The following ETFDH variants were observed in gnomAD, a reference collection of about 807,000 sequenced individuals.
ETFDH encodes electron transfer flavoprotein dehydrogenase, also known as electron transfer flavoprotein-ubiquinone oxidoreductase, mitochondrial.
ETFDH carries 61 observed loss-of-function variants against 73.2 expected under a neutral mutation model. That is an observed-to-expected ratio of 0.83 (90% CI 0.68 to 1.03). The LOEUF (loss-of-function observed/expected upper bound fraction) is 1.03, where lower values mean the gene tolerates loss of function less well. Ranked by LOEUF, ETFDH falls within the 50% of genes least tolerant of loss-of-function variation. The pLI, the probability that ETFDH is intolerant of heterozygous loss-of-function variation, is 0.00. For missense variants in ETFDH, 685 were observed against 745.0 expected, an observed-to-expected ratio of 0.92 and a Z score of 0.94; for synonymous variants, 243 against 253.3, an observed-to-expected ratio of 0.96 and a Z score of 0.39.
Position 158,672,456 on chromosome 4 carries a change from C to A in ETFDH, c.-1C>A, listed in dbSNP as rs756364770. 1 of 1,614,154 alleles carries A rather than the reference C, an allele frequency of 6.2e-7. No individual in the cohort carries two copies. The highest frequency in any genetic ancestry group is 8.5e-7 in the Non-Finnish European group (1 of 1,179,996). ...GACCGAGAGTCCTGGTGACTTTGAA[C>A]ATGCTGGTGCCGCTAGCCAAGCTGT... On this transcript the variant is annotated 5_prime_UTR_variant, in exon 1 of 13. Transcript: ENST00000511912.
chr4:158,707,121 T>C (rs770709446), intron 12 of ETFDH, among the ~76,000 whole-genome samples: 1 of 152,136 alleles, frequency 6.6e-6, no homozygotes, highest in Non-Finnish European at 1.5e-5. Flanking sequence ...TGCAGGTTCA[T>C]GTGACTATTT....
rs367854126 is a variant in ETFDH at position 158,682,339 on chromosome 4, C to T, written c.320C>T (p.Ala107Val). Residue 107 changes from alanine (A) to valine (V), a missense_variant, in exon 3 of 13, where the codon GCC (alanine) becomes GTC (valine). By Grantham distance (64) the Ala-to-Val change is moderately conservative (BLOSUM62 0). This residue lies in a region of ETFDH where 405 missense variants were observed against 399.3 expected (regional missense o/e 1.01). Transcript: ENST00000511912. Reference protein sequence around the residue: ...DIRVCLVEKAAQIGAHTLSGA... With the variant: ...DIRVCLVEKAVQIGAHTLSGA... ...CGTGTGTGTCTAGTGGAGAAAGCTGCCCAGATAGGAGCTCATACTCTCTCA... is the reference window on the plus strand; with the variant it reads ...CGTGTGTGTCTAGTGGAGAAAGCTGTCCAGATAGGAGCTCATACTCTCTCA... 68 of 1,613,986 alleles carry T rather than the reference C, an allele frequency of 4.2e-5. No individual in the cohort carries two copies. The highest frequency in any genetic ancestry group is 5.2e-5 in the Non-Finnish European group (61 of 1,179,978).
chr4:158,697,254 C>G (rs963383491), intron 7 of ETFDH, among the ~76,000 whole-genome samples: 12 of 152,108 alleles, frequency 7.9e-5, no homozygotes, highest in Non-Finnish European at 2.9e-5. Context: ...GCCACCATGC[C>G]TAGCTAATTT....
At chr4:158,681,004 T>G (rs1773844302) in intron 2 of ETFDH, among the ~76,000 whole-genome samples, 1 of 151,958 alleles carries the variant, frequency 6.6e-6, no homozygotes. Context: ...GGTTTATGTA[T>G]TTACTGTATT....
chr4:158,686,801 C>T (rs931911913), intron 5 of ETFDH, among the ~76,000 whole-genome samples: 1 of 152,138 alleles, frequency 6.6e-6, no homozygotes, highest in African/African-American at 2.4e-5. Flanking sequence ...GTTCCAGGTA[C>T]TCAGCATAGG....
At chr4:158,697,838 C>A in intron 8 of ETFDH, 139 bp downstream of exon 8, 3 of 770,128 alleles carry the variant, frequency 3.9e-6, no homozygotes, top group South Asian at 1.6e-5. Context: ...ATGTAAAGTG[C>A]TTATGGCTGC....
chr4:158,692,888 A>AATAT (rs1554032445), intron 6 of ETFDH, among the ~76,000 whole-genome samples: 1 of 119,104 alleles, frequency 8.4e-6, no homozygotes, highest in African/African-American at 3.2e-5. Flanking sequence ...AAAAAAAAAA[A>AATAT]ACATATATAT....
Position 158,706,643 on chromosome 4 carries a change from C to T in ETFDH, c.1483C>T (p.Arg495Trp), listed in dbSNP as rs774810601. Residue 495 changes from arginine (R) to tryptophan (W), a missense_variant, in exon 12 of 13, where the codon CGG becomes TGG. By Grantham distance (101) the Arg-to-Trp change is moderately radical (BLOSUM62 -3). Coordinates refer to ENST00000511912, the MANE Select transcript of ETFDH (RefSeq NM_004453.4). ...TLKHKGSDFERLKPAKDCTPI... is the reference protein window; with the variant it reads ...TLKHKGSDFEWLKPAKDCTPI... Reference sequence around the variant, plus strand: ...AATTGTTGAAGGTTCTGACTTTGAACGGCTCAAGCCAGCCAAGGATTGCAC... The same window carrying T: ...AATTGTTGAAGGTTCTGACTTTGAATGGCTCAAGCCAGCCAAGGATTGCAC... 31 of 1,613,354 alleles carry T rather than the reference C, an allele frequency of 1.9e-5. 1 individual carries two copies. The highest frequency in any genetic ancestry group is 6.6e-5 in the South Asian group (6 of 91,064).
chr4:158,690,402 A>C lies in ETFDH; in HGVS notation c.661A>C (p.Ile221Leu), dbSNP rs1561242863. Residue 221 changes from isoleucine (I) to leucine (L), a missense_variant, in exon 6 of 13, where the codon ATA becomes CTA. This residue lies in a region of ETFDH where 405 missense variants were observed against 399.3 expected (regional missense o/e 1.01). Transcript: ENST00000511912. ...VKGIATNDVG[I>L]QKDGAPKATF... is the part of the protein sequence containing the mutation. ...AGGAATTGCCACTAACGATGTAGGGATACAAAAGGATGGTGCACCAAAGGT... is the reference window on the plus strand; with the variant it reads ...AGGAATTGCCACTAACGATGTAGGGCTACAAAAGGATGGTGCACCAAAGGT... 2 of 1,592,824 alleles carry C rather than the reference A, an allele frequency of 1.3e-6. No homozygotes were observed. Among genetic ancestry groups the C allele is most frequent in the East Asian group, 4.5e-5 (2 of 44,780 alleles).
In ETFDH at chr4:158,706,845, C is replaced by T. The variant is rs993314323; in HGVS notation, c.1685C>T (p.Pro562Leu). ...IYDGPEQRFC[P>L]AGVYEFVPVE... Reference sequence around the variant, plus strand: ...GATGGGCCCGAGCAGCGATTCTGTCCTGCAGGTAATAATTTCCATCTATTC... The same window carrying T: ...GATGGGCCCGAGCAGCGATTCTGTCTTGCAGGTAATAATTTCCATCTATTC... The change falls in exon 12 of 13, where the codon CCT (proline) becomes CTT (leucine). Residue 562 changes from proline to leucine, a missense_variant. Physicochemically the swap from Pro to Leu is moderately conservative, Grantham distance 98. This residue lies in a region of ETFDH where 201 missense variants were observed against 225.2 expected (regional missense o/e 0.89). Transcript: ENST00000511912. The T allele has an allele frequency of 6.3e-7, 1 of 1,583,674 alleles. No individual in the cohort carries two copies. The highest frequency in any genetic ancestry group is 1.1e-5 in the South Asian group (1 of 90,462).
chr4:158,704,938 G>A (rs939048528), intron 10 of ETFDH, among the ~76,000 whole-genome samples: 2 of 151,890 alleles, frequency 1.3e-5, no homozygotes, highest in Admixed American at 6.6e-5. Context: ...TAATTTTCTT[G>A]TCAAGTATCG....
chr4:158,675,150 AGT>A (rs1773680715), intron 1 of ETFDH, among the ~76,000 whole-genome samples: 2 of 152,176 alleles, frequency 1.3e-5, no homozygotes, highest in African/African-American at 4.8e-5. Context: ...CCATCACTGC[AGT>A]CTATTTTAGA....
chr4:158,698,628 T>C (rs1209477971), intron 8 of ETFDH, among the ~76,000 whole-genome samples: 3 of 152,178 alleles, frequency 2.0e-5, no homozygotes, highest in African/African-American at 7.2e-5. Context: ...GATGCTTACC[T>C]ACAGATATTG....
At chr4:158,702,087 TAA>T (rs1296756396) in intron 9 of ETFDH, among the ~76,000 whole-genome samples, 1 of 152,068 alleles carries the variant, frequency 6.6e-6, no homozygotes, top group Non-Finnish European at 1.5e-5. Context: ...CAAAGTAAAA[TAA>T]AGAGGGTGTA....
chr4:158,706,840 C>A lies in ETFDH; in HGVS notation c.1680C>A (p.Phe560Leu), dbSNP rs765245843. The A allele has an allele frequency of 1.9e-6, 3 of 1,589,828 alleles. No homozygotes were observed. Among genetic ancestry groups the A allele is most frequent in the African/African-American group, 1.3e-5 (1 of 74,446 alleles). The change falls in exon 12 of 13, where the codon TTC (phenylalanine) becomes TTA (leucine). Residue 560 changes from phenylalanine (F) to leucine (L), a missense_variant. Phe to Leu is a conservative substitution (Grantham distance 22). Transcript: ENST00000511912. ...LSIYDGPEQR[F>L]CPAGVYEFVP... ...TATATGATGGGCCCGAGCAGCGATT[C>A]TGTCCTGCAGGTAATAATTTCCATC...
Position 158,706,629 on chromosome 4 carries a change from G to A in ETFDH, c.1469G>A (p.Gly490Asp). ...AGCATTTCCCTCAAAATTGTTGAAG[G>A]TTCTGACTTTGAACGGCTCAAGCCA... ...GMEPWTLKHKGSDFERLKPAK... is the reference protein window; with the variant it reads ...GMEPWTLKHKDSDFERLKPAK... The change falls in exon 12 of 13, where the codon GGT (glycine) becomes GAT (aspartate). Residue 490 changes from glycine to aspartate, a missense_variant and splice_region_variant. Coordinates refer to ENST00000511912, the MANE Select transcript of ETFDH (RefSeq NM_004453.4). 1.2e-6 allele frequency: 2 copies of A among 1,611,822 alleles called. No individual in the cohort carries two copies. Among genetic ancestry groups the A allele is most frequent in the Non-Finnish European group, 1.7e-6 (2 of 1,178,002 alleles).
At chr4:158,692,389 G>C (rs1308716764) in intron 6 of ETFDH, among the ~76,000 whole-genome samples, 1 of 120,338 alleles carries the variant, frequency 8.3e-6, no homozygotes, top group Non-Finnish European at 1.6e-5. Flanking sequence ...TACAGAGCGA[G>C]ACACCGTCTC....
chr4:158,701,712 A>G (rs1338870086), intron 9 of ETFDH, among the ~76,000 whole-genome samples: 1 of 152,190 alleles, frequency 6.6e-6, no homozygotes, highest in African/African-American at 2.4e-5. Context: ...CCATTTTCTC[A>G]ACAAAGACCC....
rs150105001 is a variant in ETFDH, at chr4:158,680,554, G to A, written c.122G>A (p.Arg41Gln). 75 of 1,607,596 alleles carry A rather than the reference G, an allele frequency of 4.7e-5. No homozygotes were observed. The African/African-American group carries it at 8.4e-4, about 18-fold the overall frequency. Residue 41 changes from arginine (R) to glutamine (Q), a missense_variant, in exon 2 of 13, where the codon CGA (arginine) becomes CAA (glutamine). By Grantham distance (43) the Arg-to-Gln change is conservative. Around this residue, in one of 3 missense-constraint regions of ETFDH, gnomAD observed 405 missense variants for 399.3 expected, o/e 1.01. Transcript: ENST00000511912. ...TRWSSTSTVPRITTHYTIYPR... is the reference protein window; with the variant it reads ...TRWSSTSTVPQITTHYTIYPR... ...TGGTCTTCAACTTCTACTGTGCCTC[G>A]AATTACTACCCATTATACTATTTAT...
Sources: allele counts gnomAD v4.1 joint callset (sites outside exome capture counted in the v4.1 genomes callset), GRCh38; gene constraint gnomAD v4.1.1; regional missense constraint gnomAD v4.1.1; transcripts MANE v1.5; gene names NCBI Gene and HGNC (gene_info 2026-07-23, HGNC 2026-07-21).